The following NSD2 variants were observed in gnomAD, a reference collection of about 807,000 sequenced individuals.
The protein encoded by NSD2 is nuclear receptor binding SET domain protein 2.
Under a neutral mutation model 139.0 loss-of-function variants are expected in NSD2, and 12 were observed. The observed-to-expected ratio is 0.09, with a 90% CI of 0.06 to 0.14. The LOEUF is 0.14. NSD2 is among the 10% of genes least tolerant of loss of function. The pLI is 1.00. For missense variants in NSD2, 1,155 were observed against 1,745.0 expected, an observed-to-expected ratio of 0.66 and a Z score of 6.02; for synonymous variants, 669 against 648.7, an observed-to-expected ratio of 1.03 and a Z score of -0.48.
chr4:1,925,780 TTGTTTG>T (rs1560666240), intron 5 of NSD2, among the ~76,000 whole-genome samples: 1 of 144,010 alleles, frequency 6.9e-6, no homozygotes, highest in African/African-American at 2.8e-5. Context: ...ATATTTTTTT[TTGTTTG>T]TTTGTTTGTT....
chr4:1,915,794 C>A (rs1262310694), intron 3 of NSD2, among the ~76,000 whole-genome samples: 2 of 152,152 alleles, frequency 1.3e-5, no homozygotes, highest in Non-Finnish European at 2.9e-5. Flanking sequence ...TTCAGGTCTT[C>A]AGGAAATATC....
chr4:1,872,591 T>TGAGGA (rs1553856419), intron 1 of NSD2, among the ~76,000 whole-genome samples: 1 of 44,838 alleles, frequency 2.2e-5, no homozygotes, highest in African/African-American at 7.0e-5. Context: ...TGTGTGTGTG[T>TGAGGA]GAGAGAGAGA....
chr4:1,921,534 C>G (rs1182816282), intron 5 of NSD2, among the ~76,000 whole-genome samples: 3 of 151,618 alleles, frequency 2.0e-5, no homozygotes, highest in Non-Finnish European at 2.9e-5. Context: ...GTAATCCTAG[C>G]ATTTTGGGAG....
chr4:1,936,232 G>T (rs748801371), intron 7 of NSD2, among the ~76,000 whole-genome samples: 4 of 152,228 alleles, frequency 2.6e-5, no homozygotes, highest in Non-Finnish European at 5.9e-5. Context: ...AGCGTATGGT[G>T]CCCATGCATG....
chr4:1,926,218 G>T (rs1423652759), intron 5 of NSD2, among the ~76,000 whole-genome samples: 1 of 146,068 alleles, frequency 6.8e-6, no homozygotes, highest in Admixed American at 6.9e-5. Context: ...GCAGAGGCAT[G>T]ATCTCGGCTC....
chr4:1,901,636 C>A (rs927522350), intron 2 of NSD2, among the ~76,000 whole-genome samples: 1 of 152,224 alleles, frequency 6.6e-6, no homozygotes, highest in South Asian at 2.1e-4. Context: ...CTGATGTGGT[C>A]AGTGGAGACA....
intron 17 of NSD2, 148 bp downstream of exon 17, chr4:1,959,888 T>G (rs1019061383): frequency 1.0e-6 from 1 of 955,854 alleles, no homozygotes; most frequent in African/African-American, 1.7e-5. Flanking sequence ...TGAGACAGGG[T>G]CTCACTCTGT....
At chr4:1,876,884 C>T (rs535740141) in intron 1 of NSD2, among the ~76,000 whole-genome samples, 1 of 152,106 alleles carries the variant, frequency 6.6e-6, no homozygotes, top group Admixed American at 6.5e-5. Context: ...GCCTGTAATC[C>T]CAGTGCTTTG....
chr4:1,936,489 G>A (rs1344901888), intron 7 of NSD2, among the ~76,000 whole-genome samples: 1 of 152,016 alleles, frequency 6.6e-6, no homozygotes, highest in Non-Finnish European at 1.5e-5. Context: ...TGGCCAACAT[G>A]GTGAAACCCC....
intron 6 of NSD2, among the ~76,000 whole-genome samples, chr4:1,933,084 G>C (rs1470117549): frequency 1.3e-5 from 2 of 152,214 alleles, no homozygotes; most frequent in African/African-American, 4.8e-5. Flanking sequence ...CTGCAGTGGT[G>C]TGGCCAGGAG....
intron 5 of NSD2, among the ~76,000 whole-genome samples, chr4:1,927,435 G>C (rs1048334039): frequency 1.3e-5 from 2 of 151,812 alleles, no homozygotes; most frequent in African/African-American, 2.4e-5. Flanking sequence ...ATGTTGGGGG[G>C]AGCACAGTGC....
intron 8 of NSD2, 78 bp downstream of exon 8, chr4:1,938,610 A>G: frequency 1.6e-6 from 2 of 1,230,936 alleles, no homozygotes; most frequent in South Asian, 1.3e-5. Context: ...AGAGTGTGAA[A>G]GGGGAAGGCT....
Position 1,904,236 on chromosome 4 carries a change from T to C in NSD2, c.618T>C (p.Ser206=). The C allele has an allele frequency of 1.9e-6, 3 of 1,613,648 alleles. No homozygotes were observed. Among genetic ancestry groups the C allele is most frequent in the Non-Finnish European group, 2.5e-6 (3 of 1,179,740 alleles). ...TTCAGATTCCAGCTAAGAAAGAGTC[T>C]TGTCCAAACACTGGAAGAGACAAAG... is the stretch of plus-strand genomic sequence containing the variant. ...SDKKIPAKKE[S]CPNTGRDKDH... is the part of the protein sequence containing the mutation. Residue 206 remains serine, a synonymous_variant, in exon 3 of 22, where the codon TCT becomes TCC. Transcript: ENST00000508803.
chr4:1,925,471 C>T (rs1435085217), intron 5 of NSD2, among the ~76,000 whole-genome samples: 2 of 146,920 alleles, frequency 1.4e-5, no homozygotes, highest in Non-Finnish European at 3.0e-5. Flanking sequence ...CCACCTCGGC[C>T]CACTGCAACC....
intron 1 of NSD2, among the ~76,000 whole-genome samples, chr4:1,886,098 C>T (rs1560556829): frequency 6.6e-6 from 1 of 152,216 alleles, no homozygotes; most frequent in Non-Finnish European, 1.5e-5. Flanking sequence ...TAAAGCGCGT[C>T]CATTGAAGAC....
At chr4:1,880,194 A>G (rs1017998878) in intron 1 of NSD2, among the ~76,000 whole-genome samples, 32 of 152,132 alleles carry the variant, frequency 2.1e-4, no homozygotes, top group Admixed American at 9.8e-4. Flanking sequence ...TTGCTACACA[A>G]ATCTTTCAGC....
intron 5 of NSD2, among the ~76,000 whole-genome samples, chr4:1,929,862 A>G (rs914196541): frequency 6.6e-6 from 1 of 152,044 alleles, no homozygotes; most frequent in Non-Finnish European, 1.5e-5. Context: ...GGTTGGGTTG[A>G]TCTTGGGTGG....
At chr4:1,920,920 C>G (rs950000235) in intron 5 of NSD2, among the ~76,000 whole-genome samples, 1 of 151,930 alleles carries the variant, frequency 6.6e-6, no homozygotes, top group Non-Finnish European at 1.5e-5. Context: ...TGCCTGTAGT[C>G]TCAACTACTC....
intron 8 of NSD2, 113 bp from the exon 9 acceptor site, chr4:1,939,541 G>C (rs1722858148): frequency 1.8e-6 from 2 of 1,102,104 alleles, no homozygotes; most frequent in Non-Finnish European, 2.6e-6. Flanking sequence ...GAAGGACAAA[G>C]GAATTCAGAA....
Sources: gnomAD v4.1 joint callset for allele counts (sites outside exome capture counted in the v4.1 genomes callset) on GRCh38, gnomAD v4.1.1 for gene constraint, MANE v1.5 for transcripts, NCBI Gene and HGNC (gene_info 2026-07-23, HGNC 2026-07-21) for gene names.